The following FECH variants were observed in gnomAD, a reference collection of about 807,000 sequenced individuals.
FECH encodes the protein ferrochelatase, also known as ferrochelatase, mitochondrial.
Under a neutral mutation model 56.9 loss-of-function variants are expected in FECH, and 40 were observed. That is an observed-to-expected ratio of 0.70 (90% CI 0.55 to 0.92). FECH has a LOEUF of 0.92. FECH is among the 40% of genes least tolerant of loss of function. FECH has a pLI of 0.00. For missense variants in FECH, 431 were observed against 529.1 expected, an observed-to-expected ratio of 0.81 and a Z score of 1.82; for synonymous variants, 175 against 198.6, an observed-to-expected ratio of 0.88 and a Z score of 1.00.
Position 57,554,386 on chromosome 18 carries a change from T to C in FECH, c.951A>G (p.Glu317=), listed in dbSNP as rs750791296. ...CCCTCTCACAAAGCCCTTTGATAGATTCGTCTGTTTGAGGACCCAACCAGG... is the reference window on the plus strand; with the variant it reads ...CCCTCTCACAAAGCCCTTTGATAGACTCGTCTGTTTGAGGACCCAACCAGG... ...PMPWLGPQTD[E]SIKGLCERGR... The change falls in exon 9 of 11, where the codon GAA becomes GAG. Residue 317 remains glutamate, a synonymous_variant. Coordinates refer to ENST00000262093, the MANE Select transcript of FECH (RefSeq NM_000140.5). The C allele has an allele frequency of 5.6e-6, 9 of 1,614,176 alleles. No individual in the cohort carries two copies. The highest frequency in any genetic ancestry group is 7.6e-6 in the Non-Finnish European group (9 of 1,180,016).
chr18:57,574,651 C>G (rs952827893), intron 2 of FECH, among the ~76,000 whole-genome samples: 1 of 152,268 alleles, frequency 6.6e-6, no homozygotes, highest in African/African-American at 2.4e-5. Context: ...CTCCTAAGCC[C>G]CGCCAGAGGG....
At chr18:57,575,666 C>A (rs2051175325) in intron 2 of FECH, among the ~76,000 whole-genome samples, 1 of 152,194 alleles carries the variant, frequency 6.6e-6, no homozygotes, top group African/African-American at 2.4e-5. Flanking sequence ...TGGTCTCAAA[C>A]TCCTGGCTCA....
intron 6 of FECH, among the ~76,000 whole-genome samples, chr18:57,560,148 G>C (rs180879857): frequency 2.8e-4 from 42 of 152,332 alleles, no homozygotes; most frequent in Admixed American, 2.7e-3. Context: ...TACTGAAGTT[G>C]AATGTTGTAT....
intron 9 of FECH, among the ~76,000 whole-genome samples, chr18:57,552,051 T>C (rs2050807558): frequency 6.6e-6 from 1 of 151,796 alleles, no homozygotes. Flanking sequence ...GCCCAGCTAA[T>C]TTTTGTATTT....
chr18:57,563,031 TAAA>T (rs775710113), intron 5 of FECH, 51 bp from the exon 6 acceptor site: 3 of 1,454,652 alleles, frequency 2.1e-6, no homozygotes, highest in East Asian at 4.6e-5. Flanking sequence ...ATGGTGAAAA[TAAA>T]AAACAGACTC....
intron 2 of FECH, among the ~76,000 whole-genome samples, chr18:57,575,648 G>A (rs1044281235): frequency 6.6e-6 from 1 of 152,098 alleles, no homozygotes; most frequent in Non-Finnish European, 1.5e-5. Context: ...TCGCCATGTG[G>A]CCCCGACTGG....
At chr18:57,565,060 G>T (rs952478028) in intron 5 of FECH, among the ~76,000 whole-genome samples, 1 of 152,174 alleles carries the variant, frequency 6.6e-6, no homozygotes, top group African/African-American at 2.4e-5. Context: ...GAAAAACTAA[G>T]CATACAGTGA....
At chr18:57,559,369 CT>C (rs1377948587) in intron 6 of FECH, 126 bp from the exon 7 acceptor site, 7 of 694,740 alleles carry the variant, frequency 1.0e-5, no homozygotes, top group Non-Finnish European at 1.8e-5. Context: ...TCCGAACTCT[CT>C]TTTTTAAAAA....
At chr18:57,551,677 T>C (rs938282428) in intron 9 of FECH, among the ~76,000 whole-genome samples, 2 of 152,194 alleles carry the variant, frequency 1.3e-5, no homozygotes, top group South Asian at 2.1e-4. Flanking sequence ...TCAAGCAATT[T>C]AAATCTGTTT....
chr18:57,562,604 T>G (rs1022450201), intron 6 of FECH, among the ~76,000 whole-genome samples: 1 of 152,196 alleles, frequency 6.6e-6, no homozygotes, highest in South Asian at 2.1e-4. Flanking sequence ...CTTCTGGTCA[T>G]AGGAAACACA....
chr18:57,586,597 C>T lies in FECH; in HGVS notation c.24G>A (p.Met8Ile), dbSNP rs1432699228. Residue 8 changes from methionine (M) to isoleucine (I), a missense_variant, in exon 1 of 11, where the codon ATG (methionine) becomes ATA (isoleucine). Transcript: ENST00000262093. ...CGCCCGCGGCGCGCAGGGCCGCAGCCATGTTTGCGCCGAGTGAACGCATTG... is the reference window on the plus strand; with the variant it reads ...CGCCCGCGGCGCGCAGGGCCGCAGCTATGTTTGCGCCGAGTGAACGCATTG... MRSLGAN[M>I]AAALRAAGVL... 2.0e-6 allele frequency: 3 copies of T among 1,523,680 alleles called. No homozygotes were observed. The highest frequency in any genetic ancestry group is 1.4e-5 in the African/African-American group (1 of 70,256). 94.4% of individuals were successfully genotyped at this position (1,523,680 alleles called of 1,614,324 possible).
chr18:57,586,539 G>T lies in FECH; in HGVS notation c.67+15C>A, dbSNP rs2051378467. ...GGATCCTGGCCCTGGCGGCCGCCGCGACAGACCCACTTACGCGGATCGCGG... is the reference window on the plus strand; with the variant it reads ...GGATCCTGGCCCTGGCGGCCGCCGCTACAGACCCACTTACGCGGATCGCGG... On this transcript the variant is annotated intron_variant, in intron 1 of 10. Transcript: ENST00000262093. The T allele has an allele frequency of 2.0e-6, 3 of 1,520,712 alleles. No individual in the cohort carries two copies. The highest frequency in any genetic ancestry group is 1.4e-5 in the African/African-American group (1 of 70,324). The allele number at this position is 1,520,712 out of a possible 1,614,324, so 94.2% of individuals were successfully genotyped here.
rs2051251691 is a variant in FECH at position 57,580,001 on chromosome 18, G to A, written c.194+72C>T. ...GCTTTTCCCAGCACCTTTCCTCCCA[G>A]GCAGCTTGTGTCTATTGGTGTCTGC... On this transcript the variant is annotated intron_variant, in intron 2 of 10. Coordinates refer to ENST00000262093, the MANE Select transcript of FECH (RefSeq NM_000140.5). 4 of 1,602,272 alleles carry A rather than the reference G, an allele frequency of 2.5e-6. No individual in the cohort carries two copies. The African/African-American group carries it at 4.0e-5, about 16-fold the overall frequency.
At chr18:57,555,023 T>G in intron 7 of FECH, 71 bp from the exon 8 acceptor site, 1 of 1,143,014 alleles carries the variant, frequency 8.7e-7, no homozygotes, top group Non-Finnish European at 1.3e-6. Flanking sequence ...GACTATGTGC[T>G]GACACAGTGT....
At chr18:57,567,092 T>G (rs1047192060) in intron 4 of FECH, among the ~76,000 whole-genome samples, 1 of 152,126 alleles carries the variant, frequency 6.6e-6, no homozygotes, top group Admixed American at 6.6e-5. Context: ...TCCCAACCCA[T>G]GCTTCTCACT....
intron 2 of FECH, among the ~76,000 whole-genome samples, chr18:57,573,833 C>T (rs1310100728): frequency 6.6e-6 from 1 of 152,170 alleles, no homozygotes; most frequent in African/African-American, 2.4e-5. Context: ...CAGTGGGTAA[C>T]ATCTTCAGTC....
intron 3 of FECH, among the ~76,000 whole-genome samples, chr18:57,572,587 G>GT (rs2051128029): frequency 5.1e-5 from 2 of 39,444 alleles, no homozygotes; most frequent in African/African-American, 1.4e-4. Context: ...GTGTAACGAA[G>GT]TGGGGGGGGG....
chr18:57,573,258 A>G lies in FECH; in HGVS notation c.302T>C (p.Leu101Pro), dbSNP rs2051139919. 2.5e-6 allele frequency: 4 copies of G among 1,613,340 alleles called. No individual in the cohort carries two copies. The highest frequency in any genetic ancestry group is 3.4e-6 in the Non-Finnish European group (4 of 1,179,340). ...ATATATATCTCACTTCTGAATAGGA[A>G]GTGTCATGAGGTCTCGGTCCAAGAA... The part of the protein sequence containing the change: ...RLFLDRDLMT[L>P]PIQNKLAPFI... The change falls in exon 3 of 11, where the codon CTT (leucine) becomes CCT (proline). Residue 101 changes from leucine (L) to proline (P), a missense_variant. Coordinates refer to ENST00000262093, the MANE Select transcript of FECH (RefSeq NM_000140.5).
At chr18:57,578,254 C>T (rs2051211509) in intron 2 of FECH, among the ~76,000 whole-genome samples, 1 of 152,180 alleles carries the variant, frequency 6.6e-6, no homozygotes, top group African/African-American at 2.4e-5. Context: ...GCTTGGCAGG[C>T]TGCCAGATGA....
Sources: allele counts gnomAD v4.1 joint callset (sites outside exome capture counted in the v4.1 genomes callset), GRCh38; gene constraint gnomAD v4.1.1; transcripts MANE v1.5; gene names NCBI Gene and HGNC (gene_info 2026-07-23, HGNC 2026-07-21).